Variants in UBL3 observed in about 807,000 individuals in gnomAD.
The protein encoded by UBL3 is ubiquitin-like protein 3.
Under a neutral mutation model 18.4 loss-of-function variants are expected in UBL3, and 6 were observed. The observed-to-expected ratio is 0.33, with a 90% CI of 0.18 to 0.64. The LOEUF (loss-of-function observed/expected upper bound fraction) is 0.64, where lower values mean the gene tolerates loss of function less well. Among genes scored for constraint, UBL3 ranks in the 30% least tolerant of loss-of-function variants. The probability of loss-of-function intolerance (pLI) is 0.76; values close to 1 mark genes in which losing one functional copy is unlikely to be tolerated. For synonymous variants in UBL3, 49 were observed against 46.6 expected, an observed-to-expected ratio of 1.05 and a Z score of -0.21; for missense variants, 109 against 142.9, an observed-to-expected ratio of 0.76 and a Z score of 1.21.
At chr13:29,818,419 T>C (rs987954815) in intron 1 of UBL3, among the ~76,000 whole-genome samples, 3 of 152,174 alleles carry the variant, frequency 2.0e-5, no homozygotes, top group Non-Finnish European at 4.4e-5. Context: ...AGAAAACTGT[T>C]TAGGTCACTT....
intron 1 of UBL3, among the ~76,000 whole-genome samples, chr13:29,823,763 C>G (rs1352709919): frequency 6.6e-6 from 1 of 151,954 alleles, no homozygotes; most frequent in African/African-American, 2.4e-5. Context: ...GCACAATGTG[C>G]AGGTTACACA....
intron 1 of UBL3, among the ~76,000 whole-genome samples, chr13:29,833,286 G>A (rs909056343): frequency 1.3e-5 from 2 of 152,182 alleles, no homozygotes; most frequent in African/African-American, 2.4e-5. Flanking sequence ...GATGGAGATC[G>A]GGTTAAAAAG....
chr13:29,780,500 CTGAT>C (rs958387802), intron 1 of UBL3, among the ~76,000 whole-genome samples: 4 of 147,552 alleles, frequency 2.7e-5, no homozygotes, highest in East Asian at 2.0e-4. Context: ...AAAATAGAAA[CTGAT>C]TGGTGAGAAG....
At chr13:29,838,271 A>G (rs1334175686) in intron 1 of UBL3, among the ~76,000 whole-genome samples, 2 of 152,198 alleles carry the variant, frequency 1.3e-5, no homozygotes, top group Non-Finnish European at 2.9e-5. Flanking sequence ...CAGGCAAACC[A>G]AAACAGGGAA....
At chr13:29,783,313 C>T (rs557389336) in intron 1 of UBL3, among the ~76,000 whole-genome samples, 5 of 152,272 alleles carry the variant, frequency 3.3e-5, no homozygotes, top group African/African-American at 1.2e-4. Context: ...ACATTTGGGT[C>T]TACTTTTCAA....
At chr13:29,844,287 A>T (rs953627983) in intron 1 of UBL3, among the ~76,000 whole-genome samples, 1 of 152,100 alleles carries the variant, frequency 6.6e-6, no homozygotes, top group South Asian at 2.1e-4. Flanking sequence ...AAAATAAACA[A>T]ACAGAAGTTC....
intron 1 of UBL3, among the ~76,000 whole-genome samples, chr13:29,802,096 T>C (rs915338752): frequency 5.3e-5 from 8 of 152,208 alleles, no homozygotes; most frequent in African/African-American, 1.9e-4. Context: ...GGTGAGGAAA[T>C]ACAGAGGGGC....
intron 1 of UBL3, among the ~76,000 whole-genome samples, chr13:29,824,654 G>A (rs1288347181): frequency 1.3e-5 from 2 of 152,116 alleles, no homozygotes; most frequent in African/African-American, 2.4e-5. Flanking sequence ...CATTCTGTAG[G>A]TTGCCTGTTC....
At chr13:29,836,037 T>C (rs1297607828) in intron 1 of UBL3, among the ~76,000 whole-genome samples, 1 of 152,144 alleles carries the variant, frequency 6.6e-6, no homozygotes, top group Non-Finnish European at 1.5e-5. Context: ...CTACAGGGAA[T>C]GTGAATCAAA....
intron 1 of UBL3, among the ~76,000 whole-genome samples, chr13:29,838,383 T>C (rs149321209): frequency 8.9e-4 from 135 of 152,202 alleles, no homozygotes; most frequent in African/African-American, 2.4e-5. Context: ...TCCAGAAAGG[T>C]AAATTTGAGG....
chr13:29,837,322 T>A (rs578104020), intron 1 of UBL3, among the ~76,000 whole-genome samples: 1 of 151,786 alleles, frequency 6.6e-6, no homozygotes, highest in African/African-American at 2.4e-5. Context: ...AGAAAACAGA[T>A]GAAAACATAA....
intron 1 of UBL3, among the ~76,000 whole-genome samples, chr13:29,799,054 GGGT>G (rs1417707260): frequency 6.6e-6 from 1 of 152,190 alleles, no homozygotes; most frequent in Admixed American, 6.5e-5. Flanking sequence ...GGCTAAGATA[GGGT>G]TTCTCAACCT....
At chr13:29,849,319 A>G (rs1879308571) in intron 1 of UBL3, among the ~76,000 whole-genome samples, 193 bp downstream of exon 1, 1 of 152,236 alleles carries the variant, frequency 6.6e-6, no homozygotes, top group Non-Finnish European at 1.5e-5. Flanking sequence ...AAACACGACC[A>G]AATGAGAGAA....
chr13:29,841,214 T>A (rs996854628), intron 1 of UBL3, among the ~76,000 whole-genome samples: 1 of 151,758 alleles, frequency 6.6e-6, no homozygotes, highest in Non-Finnish European at 1.5e-5. Context: ...AAATATATAT[T>A]TACTTAAGAC....
rs1879327230 is a variant in UBL3, at chr13:29,849,930, A to G, written c.-392T>C. 2.8e-6 allele frequency: 1 copy of G among 351,630 alleles called. No individual in the cohort carries two copies. Among genetic ancestry groups the G allele is most frequent in the African/African-American group, 2.1e-5 (1 of 47,298 alleles). The allele number at this position is 351,630 out of a possible 1,614,324, so 21.8% of individuals were successfully genotyped here. The stretch of plus-strand genomic sequence containing the variant: ...TTTCCCAGCCCCGGCAATGATTCAC[A>G]CTTGCTCCCGAGTCAAGTCCTCATT... On this transcript the variant is annotated 5_prime_UTR_variant, in exon 1 of 5. Coordinates refer to ENST00000380680, the MANE Select transcript of UBL3 (RefSeq NM_007106.4).
chr13:29,812,058 A>G (rs1372430813), intron 1 of UBL3, among the ~76,000 whole-genome samples: 1 of 151,982 alleles, frequency 6.6e-6, no homozygotes, highest in Non-Finnish European at 1.5e-5. Flanking sequence ...TCCCCCATCT[A>G]AATCTTATCA....
chr13:29,828,989 G>A (rs571483370), intron 1 of UBL3, among the ~76,000 whole-genome samples: 13 of 152,292 alleles, frequency 8.5e-5, no homozygotes, highest in South Asian at 4.1e-4. Context: ...GCAGAACAGC[G>A]AATATTGCTC....
chr13:29,845,778 A>G (rs911025024), intron 1 of UBL3, among the ~76,000 whole-genome samples: 17 of 152,126 alleles, frequency 1.1e-4, no homozygotes, highest in African/African-American at 3.9e-4. Context: ...CAATTTTTAC[A>G]TTACAGTTGT....
At chr13:29,792,350 A>T (rs1877503964) in intron 1 of UBL3, among the ~76,000 whole-genome samples, 1 of 152,248 alleles carries the variant, frequency 6.6e-6, no homozygotes, top group Admixed American at 6.5e-5. Flanking sequence ...TTGGAATACA[A>T]GCTCTGGAAC....
Sources: allele counts gnomAD v4.1 joint callset (sites outside exome capture counted in the v4.1 genomes callset), GRCh38; gene constraint gnomAD v4.1.1; transcripts MANE v1.5; gene names NCBI Gene and HGNC (gene_info 2026-07-23, HGNC 2026-07-21).